The following EIF2AK4 variants were observed in gnomAD, a reference collection of about 807,000 sequenced individuals.
The protein encoded by EIF2AK4 is eukaryotic translation initiation factor 2 alpha kinase 4, also known as eIF-2-alpha kinase GCN2.
EIF2AK4 carries 139 observed loss-of-function variants against 211.1 expected under a neutral mutation model. The ratio of observed to expected loss-of-function variants is 0.66; its 90% confidence interval spans 0.57 to 0.76. The LOEUF (loss-of-function observed/expected upper bound fraction) is 0.76, where lower values mean the gene tolerates loss of function less well. Ranked by LOEUF, EIF2AK4 falls within the 30% of genes least tolerant of loss-of-function variation. The probability of loss-of-function intolerance (pLI) is 0.00; values close to 1 mark genes in which losing one functional copy is unlikely to be tolerated. For synonymous variants in EIF2AK4, 710 were observed against 751.3 expected (o/e 0.94, Z 0.90); for missense variants, 1,664 against 2,043.8 (o/e 0.81, Z 3.58).
At chr15:39,989,276 A>G (rs7181414) in intron 15 of EIF2AK4, among the ~76,000 whole-genome samples, 3,023 of 152,310 alleles carry the variant, frequency 0.02, 106 homozygotes, top group African/African-American at 0.069. Flanking sequence ...TAATGCATTA[A>G]CCAATATAAA....
chr15:39,987,831 G>C, intron 14 of EIF2AK4, 152 bp from the exon 15 acceptor site: 1 of 721,042 alleles, frequency 1.4e-6, no homozygotes, highest in Non-Finnish European at 2.1e-6. Context: ...TAATACTGTT[G>C]GTTTCTTTTT....
chr15:39,947,848 TAGA>T (rs59632189), intron 3 of EIF2AK4, among the ~76,000 whole-genome samples: 239 of 152,338 alleles, frequency 1.6e-3, no homozygotes, highest in African/African-American at 5.6e-3. Context: ...CATCCAGTCT[TAGA>T]AGGTTTATCA....
chr15:39,969,811 T>C (rs550860016), intron 9 of EIF2AK4, among the ~76,000 whole-genome samples: 4 of 152,300 alleles, frequency 2.6e-5, no homozygotes, highest in African/African-American at 7.2e-5. Flanking sequence ...AAAAATGCCA[T>C]TCACAAAGAA....
intron 29 of EIF2AK4, among the ~76,000 whole-genome samples, 172 bp from the exon 30 acceptor site, chr15:40,018,921 C>T (rs1232498447): frequency 5.3e-5 from 8 of 152,156 alleles, no homozygotes; most frequent in Admixed American, 5.2e-4. Flanking sequence ...AATATTTTTT[C>T]TAAATTTGCA....
Position 39,967,637 on chromosome 15 carries a change from C to T in EIF2AK4, c.1311C>T (p.Gly437=), listed in dbSNP as rs765580681. The T allele has an allele frequency of 6.2e-7, 1 of 1,614,166 alleles. No homozygotes were observed. Among genetic ancestry groups the T allele is most frequent in the East Asian group, 2.2e-5 (1 of 44,882 alleles). ...SASNVLVDAE[G]TVKITDYSIS... is the part of the protein sequence containing the mutation. Reference sequence around the variant, plus strand: ...CTAATGTCTTGGTGGATGCAGAAGGCACCGTCAAGATTACGGACTATAGCA... The same window carrying T: ...CTAATGTCTTGGTGGATGCAGAAGGTACCGTCAAGATTACGGACTATAGCA... Residue 437 remains glycine, a synonymous_variant, in exon 9 of 39, where the codon GGC becomes GGT. Coordinates refer to ENST00000263791, the MANE Select transcript of EIF2AK4 (RefSeq NM_001013703.4).
At chr15:39,987,562 T>A (rs1228316415) in intron 14 of EIF2AK4, among the ~76,000 whole-genome samples, 1 of 152,238 alleles carries the variant, frequency 6.6e-6, no homozygotes, top group East Asian at 1.9e-4. Flanking sequence ...AATATTTTTC[T>A]CTAAACTTGA....
rs908314395 is a variant in EIF2AK4, at chr15:40,032,931, A to T, written c.4773+130A>T. 5 of 689,482 alleles carry T rather than the reference A, an allele frequency of 7.3e-6. No homozygotes were observed. The African/African-American group carries it at 9.4e-5, about 13-fold the overall frequency. 42.7% of individuals were successfully genotyped at this position (689,482 alleles called of 1,614,324 possible). ...CTGGCAGCTGCAGGAATTTAGTAAC[A>T]TTTTTCCTTTTATGTAACATATATG... On this transcript the variant is annotated intron_variant, in intron 37 of 38. Coordinates refer to ENST00000263791, the MANE Select transcript of EIF2AK4 (RefSeq NM_001013703.4).
chr15:39,949,505 C>G (rs890261878), intron 4 of EIF2AK4, among the ~76,000 whole-genome samples: 1 of 152,114 alleles, frequency 6.6e-6, no homozygotes, highest in Non-Finnish European at 1.5e-5. Context: ...AGAAAAGAAG[C>G]TGTTTAACCA....
At chr15:39,942,410 CT>C (rs1555413654) in intron 2 of EIF2AK4, among the ~76,000 whole-genome samples, 3 of 152,176 alleles carry the variant, frequency 2.0e-5, no homozygotes, top group Non-Finnish European at 4.4e-5. Context: ...ATATAGACTA[CT>C]TTCTCTCAGA....
intron 38 of EIF2AK4, 86 bp downstream of exon 38, chr15:40,034,530 T>C (rs987205636): frequency 1.9e-6 from 2 of 1,064,704 alleles, no homozygotes; most frequent in Non-Finnish European, 2.9e-6. Flanking sequence ...TGTTGTCTTG[T>C]TGAGGTTTGA....
intron 9 of EIF2AK4, among the ~76,000 whole-genome samples, chr15:39,971,122 T>A (rs561216052): frequency 2.0e-5 from 3 of 152,236 alleles, no homozygotes; most frequent in African/African-American, 7.2e-5. Flanking sequence ...TGGTGGTTCA[T>A]GCCTGTAATC....
chr15:39,950,758 A>T (rs373524870), intron 4 of EIF2AK4, among the ~76,000 whole-genome samples: 319 of 152,308 alleles, frequency 2.1e-3, no homozygotes, highest in African/African-American at 5.9e-3. Flanking sequence ...CACATGTGAG[A>T]TACGCCACCT....
chr15:39,981,876 T>C (rs1272077931), intron 13 of EIF2AK4, among the ~76,000 whole-genome samples: 1 of 151,428 alleles, frequency 6.6e-6, no homozygotes, highest in Non-Finnish European at 1.5e-5. Context: ...GGGCATGTTC[T>C]TCAAGCATGT....
chr15:39,978,330 TTATC>T (rs2034730141), intron 13 of EIF2AK4, 183 bp downstream of exon 13: 1 of 351,174 alleles, frequency 2.8e-6, no homozygotes, highest in Non-Finnish European at 5.1e-6. Flanking sequence ...CCTTCTTTAT[TTATC>T]CACATAGTAA....
At chr15:39,956,455 C>T (rs1773118204) in intron 6 of EIF2AK4, among the ~76,000 whole-genome samples, 1 of 152,142 alleles carries the variant, frequency 6.6e-6, no homozygotes. Context: ...CCTTAGGTCC[C>T]ACCACAGTTG....
intron 31 of EIF2AK4, 77 bp downstream of exon 31, chr15:40,021,104 G>T: frequency 6.7e-7 from 1 of 1,491,976 alleles, no homozygotes; most frequent in South Asian, 1.4e-5. Context: ...TGCACCTATA[G>T]ACTGTCAAAC....
At chr15:39,981,924 CTT>C (rs34776250) in intron 13 of EIF2AK4, among the ~76,000 whole-genome samples, 11 of 122,260 alleles carry the variant, frequency 9.0e-5, no homozygotes, top group Admixed American at 5.2e-4. Context: ...AATGTGGTCA[CTT>C]TTTTTTTTTT....
intron 23 of EIF2AK4, among the ~76,000 whole-genome samples, chr15:40,003,943 G>A (rs549373272): frequency 1.3e-5 from 2 of 152,306 alleles, no homozygotes; most frequent in Middle Eastern, 6.8e-3. Context: ...ACTGACAAGT[G>A]GAGACATGAG....
At chr15:40,033,783 T>A (rs1175096598) in intron 37 of EIF2AK4, among the ~76,000 whole-genome samples, 1 of 152,142 alleles carries the variant, frequency 6.6e-6, no homozygotes, top group Non-Finnish European at 1.5e-5. Context: ...TCCCAGCACT[T>A]TGGGAGGCCG....
Sources: gnomAD v4.1 joint callset for allele counts (sites outside exome capture counted in the v4.1 genomes callset) on GRCh38, gnomAD v4.1.1 for gene constraint, MANE v1.5 for transcripts, NCBI Gene and HGNC (gene_info 2026-07-23, HGNC 2026-07-21) for gene names.